Variants in FGF13 observed in about 807,000 individuals in gnomAD.
FGF13 encodes fibroblast growth factor 13, also known as fibroblast growth factor homologous factor 2.
A neutral mutation model predicts 19.5 loss-of-function variants in FGF13; 2 were observed. The observed-to-expected ratio is 0.10, with a 90% CI of 0.04 to 0.32. The LOEUF is 0.32. Ranked by LOEUF, FGF13 falls within the 10% of genes least tolerant of loss-of-function variation. The pLI is 1.00. For synonymous variants in FGF13, 72 were observed against 76.9 expected, an observed-to-expected ratio of 0.94 and a Z score of 0.33; for missense variants, 113 against 192.7, an observed-to-expected ratio of 0.59 and a Z score of 2.45.
intron 1 of FGF13, among the ~76,000 whole-genome samples, chrX:139,004,441 C>T (rs955310874): frequency 8.9e-6 from 1 of 112,573 alleles, no homozygotes; most frequent in Non-Finnish European, 1.9e-5. Flanking sequence ...AGGGAGTGGG[C>T]TCCAGCCTTG....
At chrX:138,921,405 T>C (rs894068462) in intron 1 of FGF13, among the ~76,000 whole-genome samples, 2 of 112,082 alleles carry the variant, frequency 1.8e-5, no homozygotes, top group Non-Finnish European at 3.8e-5. Flanking sequence ...TATTTGCATA[T>C]TTATTATTTC....
At chrX:138,996,052 G>T (rs1027459132) in intron 1 of FGF13, among the ~76,000 whole-genome samples, 6 of 111,751 alleles carry the variant, frequency 5.4e-5, no homozygotes, top group African/African-American at 2.0e-4. Context: ...AAGCAGTCTG[G>T]AGAGGGTCTG....
chrX:139,040,625 T>C (rs1289079882), intron 1 of FGF13, among the ~76,000 whole-genome samples: 1 of 111,439 alleles, frequency 9.0e-6, no homozygotes, highest in Non-Finnish European at 1.9e-5. Flanking sequence ...AGTTCAACCA[T>C]TGTGGAAGAC....
At chrX:138,786,523 T>C (rs1051698066) in intron 3 of FGF13, among the ~76,000 whole-genome samples, 1 of 112,008 alleles carries the variant, frequency 8.9e-6, no homozygotes, top group Admixed American at 9.5e-5. Context: ...AAGCCCCTGC[T>C]TCAAGCATGC....
chrX:138,998,190 A>C (rs1359354770), intron 1 of FGF13, among the ~76,000 whole-genome samples: 1 of 111,857 alleles, frequency 8.9e-6, no homozygotes. Context: ...GAAGCACTAA[A>C]TATGGAAAGG....
chrX:139,159,868 T>A (rs139924654), intron 1 of FGF13, among the ~76,000 whole-genome samples: 48 of 110,776 alleles, frequency 4.3e-4, no homozygotes, highest in African/African-American at 1.4e-3. Flanking sequence ...CAAAGAGAAT[T>A]AGACTCCCAC....
chrX:138,763,496 A>G (rs961879977), intron 3 of FGF13, among the ~76,000 whole-genome samples: 2 of 112,268 alleles, frequency 1.8e-5, no homozygotes, highest in African/African-American at 6.5e-5. Context: ...ATGCAAAGAC[A>G]CTGTGTCTCT....
intron 1 of FGF13, among the ~76,000 whole-genome samples, chrX:139,127,513 T>C (rs867163724): frequency 1.2e-4 from 13 of 111,496 alleles, no homozygotes; most frequent in Admixed American, 1.9e-4. Flanking sequence ...CATTGTAGTG[T>C]AGTAATGAAG....
intron 3 of FGF13, among the ~76,000 whole-genome samples, chrX:138,810,747 G>A (rs5974778): frequency 0.072 from 8,020 of 110,921 alleles, 640 homozygotes; most frequent in African/African-American, 0.23. Context: ...CAAGTTTACA[G>A]GAAAAAATCA....
chrX:139,058,298 G>A (rs1429054804), intron 1 of FGF13, among the ~76,000 whole-genome samples: 2 of 111,874 alleles, frequency 1.8e-5, no homozygotes, highest in Admixed American at 9.5e-5. Context: ...TCCAAAGTAA[G>A]AGGACAGATA....
At chrX:138,715,103 A>G (rs983715299), upstream of FGF13, among the ~76,000 whole-genome samples, 4 of 111,716 alleles carry the variant, frequency 3.6e-5, no homozygotes, top group Admixed American at 2.8e-4. Context: ...GGTAGGGTCT[A>G]TTCTCCGTTG....
In FGF13 at chrX:138,626,999, G is replaced by T. The variant is rs941229553; in HGVS notation, c.*5851C>A. 1.8e-5 allele frequency: 2 copies of T among 111,808 alleles called. No homozygotes were observed. The highest frequency in any genetic ancestry group is 6.5e-5 in the African/African-American group (2 of 30,772). The allele number at this position is 111,808 out of a possible 1,213,427, so 9.2% of individuals were successfully genotyped here. A position where few individuals can be genotyped will look rare whatever the true frequency, so the allele number is the denominator to read the frequency against. ...TGGTAATCATCCAGTTTGTCCCAGG[G>T]TATTAGTGACAGAGAGGTTTCCATA... On this transcript the variant is annotated 3_prime_UTR_variant, in exon 5 of 5. Coordinates refer to ENST00000315930, the MANE Select transcript of FGF13 (RefSeq NM_004114.5).
At chrX:138,654,271 A>AT (rs1470659789) in intron 3 of FGF13, among the ~76,000 whole-genome samples, 2 of 112,613 alleles carry the variant, frequency 1.8e-5, no homozygotes, top group Admixed American at 9.4e-5. Flanking sequence ...TGAGGAATGA[A>AT]TGGCAGTATT....
At chrX:138,812,087 G>T (rs1295246282) in intron 3 of FGF13, among the ~76,000 whole-genome samples, 1 of 110,310 alleles carries the variant, frequency 9.1e-6, no homozygotes, top group East Asian at 2.9e-4. Flanking sequence ...CCTCCTCCCA[G>T]CCCCTGCAAG....
chrX:138,952,698 C>T (rs1342944722), intron 1 of FGF13, among the ~76,000 whole-genome samples: 18 of 111,594 alleles, frequency 1.6e-4, no homozygotes, highest in Non-Finnish European at 1.1e-4. Flanking sequence ...GGCTAATATC[C>T]AGAATCTACA....
rs745401056 is a variant in FGF13 at position 138,788,471 on chromosome X, C to A, written c.217+69041G>T. On this transcript the variant is annotated intron_variant, in intron 3 of 6. Transcript: ENST00000436198. The stretch of plus-strand genomic sequence containing the variant: ...GTCAGGCCCCTAAGGCTCTGGGTAT[C>A]CCATACGTCATGGCTATGGGTGGAG... 4.4e-5 allele frequency among the ~76,000 whole-genome samples: 5 copies of A among 112,367 alleles called. No individual in the cohort carries two copies. In the East Asian group the frequency reaches 1.4e-3, roughly 32 times the overall value.
chrX:139,128,295 C>G (rs953884430), intron 1 of FGF13, among the ~76,000 whole-genome samples: 1 of 111,503 alleles, frequency 9.0e-6, no homozygotes, highest in Non-Finnish European at 1.9e-5. Flanking sequence ...GGCCTGGATA[C>G]CTATCTTATT....
At position 139,010,295 on chromosome X, in the gene FGF13, C is replaced by A. The variant is rs147583429; in HGVS notation, c.-112-145645G>T. On this transcript the variant is annotated intron_variant, in intron 1 of 2. Coordinates refer to the FGF13 transcript ENST00000421460. The stretch of plus-strand genomic sequence containing the variant: ...GATGGACTTAAACTATAGCCTATAA[C>A]AAATGGACTCAACAGATACTTGCAG... Among the ~76,000 whole-genome samples the A allele has an allele frequency of 9.7e-3, 1,077 of 111,343 alleles. 12 individuals carry two copies. The highest frequency in any genetic ancestry group is 0.033 in the African/African-American group (1,015 of 30,655).
chrX:138,652,571 C>A (rs191280351), intron 3 of FGF13, among the ~76,000 whole-genome samples: 121 of 111,651 alleles, frequency 1.1e-3, no homozygotes, highest in South Asian at 1.1e-3. Context: ...TTTTTAAGGT[C>A]TTTGCATAAT....
Sources: gnomAD v4.1 joint callset for allele counts (sites outside exome capture counted in the v4.1 genomes callset) on GRCh38, gnomAD v4.1.1 for gene constraint, MANE v1.5 for transcripts, NCBI Gene and HGNC (gene_info 2026-07-23, HGNC 2026-07-21) for gene names.